NOS1AP: variants seen among roughly 807,000 people sequenced by gnomAD.
The protein encoded by NOS1AP is nitric oxide synthase 1 adaptor protein.
Under a neutral mutation model 56.2 loss-of-function variants are expected in NOS1AP, and 21 were observed. The observed-to-expected ratio is 0.37, with a 90% CI of 0.26 to 0.54. NOS1AP has a LOEUF of 0.54. Among genes scored for constraint, NOS1AP ranks in the 20% least tolerant of loss-of-function variants. NOS1AP has a pLI of 0.84. For synonymous variants in NOS1AP, 270 were observed against 274.6 expected (o/e 0.98, Z 0.17); for missense variants, 522 against 657.8 (o/e 0.79, Z 2.26).
chr1:162,300,017 T>G (rs1235367345), intron 3 of NOS1AP, among the ~76,000 whole-genome samples: 2 of 152,224 alleles, frequency 1.3e-5, no homozygotes, highest in Non-Finnish European at 2.9e-5. Flanking sequence ...TCTTGAGTCC[T>G]TCTTTCATGG....
At chr1:162,307,263 A>G (rs1655864907) in intron 4 of NOS1AP, among the ~76,000 whole-genome samples, 1 of 152,230 alleles carries the variant, frequency 6.6e-6, no homozygotes, top group Non-Finnish European at 1.5e-5. Context: ...TGGAATTAAC[A>G]TGTTTGACTA....
intron 2 of NOS1AP, among the ~76,000 whole-genome samples, chr1:162,171,904 A>G (rs992935259): frequency 2.0e-5 from 3 of 150,606 alleles, no homozygotes; most frequent in Admixed American, 2.0e-4. Flanking sequence ...CTCCCATACC[A>G]CCCTTTTTAG....
intron 4 of NOS1AP, among the ~76,000 whole-genome samples, chr1:162,324,041 T>C (rs1274620452): frequency 6.6e-6 from 1 of 152,198 alleles, no homozygotes; most frequent in African/African-American, 2.4e-5. Flanking sequence ...GAGGTAATTT[T>C]CTAGATGATG....
At chr1:162,289,192 T>C (rs1009868072) in intron 3 of NOS1AP, among the ~76,000 whole-genome samples, 1 of 129,360 alleles carries the variant, frequency 7.7e-6, no homozygotes, top group Non-Finnish European at 1.6e-5. Flanking sequence ...TTTGCCTTTC[T>C]TTCCTTCCTT....
chr1:162,259,291 T>C (rs1654131388), intron 2 of NOS1AP, among the ~76,000 whole-genome samples: 1 of 152,222 alleles, frequency 6.6e-6, no homozygotes, highest in Non-Finnish European at 1.5e-5. Context: ...AATCAGACTA[T>C]TCATTGCAAA....
intron 4 of NOS1AP, among the ~76,000 whole-genome samples, chr1:162,326,268 G>T (rs2101787211): frequency 6.6e-6 from 1 of 152,248 alleles, no homozygotes; most frequent in South Asian, 2.1e-4. Flanking sequence ...AGGAGGCGAG[G>T]AACATGGATG....
chr1:162,192,957 G>T (rs4657167), intron 2 of NOS1AP, among the ~76,000 whole-genome samples: 131,513 of 152,076 alleles, frequency 0.86, 57,080 homozygotes, highest in Non-Finnish European at 0.9. Flanking sequence ...CTATCTAACA[G>T]GCCACTTTGA....
At chr1:162,355,400 C>T in intron 7 of NOS1AP, 47 bp downstream of exon 7, 1 of 1,609,526 alleles carries the variant, frequency 6.2e-7, no homozygotes, top group South Asian at 1.1e-5. Flanking sequence ...CGTGTGCCCT[C>T]AGGTCATCAG....
At chr1:162,310,344 C>G (rs1387253433) in intron 4 of NOS1AP, among the ~76,000 whole-genome samples, 2 of 152,218 alleles carry the variant, frequency 1.3e-5, no homozygotes, top group African/African-American at 4.8e-5. Context: ...TGAGTGTTTT[C>G]TCTTCCTTCA....
At chr1:162,217,678 G>A (rs1485275949) in intron 2 of NOS1AP, among the ~76,000 whole-genome samples, 3 of 152,170 alleles carry the variant, frequency 2.0e-5, no homozygotes, top group Non-Finnish European at 4.4e-5. Flanking sequence ...TGATGCCAGA[G>A]TAAAGGACAC....
chr1:162,087,056 G>T (rs1302106886), intron 1 of NOS1AP, among the ~76,000 whole-genome samples: 3 of 152,160 alleles, frequency 2.0e-5, no homozygotes, highest in Non-Finnish European at 4.4e-5. Context: ...GGCCCCAAAA[G>T]GTGGTTGAAC....
At chr1:162,100,399 T>C (rs1692357379) in intron 1 of NOS1AP, among the ~76,000 whole-genome samples, 3 of 152,272 alleles carry the variant, frequency 2.0e-5, no homozygotes, top group Non-Finnish European at 2.9e-5. Context: ...ATGAGCATTT[T>C]TTCATGCGTT....
rs1657668443 is a variant in NOS1AP, at chr1:162,355,368, G to A, written c.762+15G>A. 1.2e-6 allele frequency: 2 copies of A among 1,613,816 alleles called. No homozygotes were observed. The highest frequency in any genetic ancestry group is 1.7e-6 in the Non-Finnish European group (2 of 1,180,000). ...CAGGCTCCAAGGTAGGCAAGAGATGGCCCATCTGTGTGATCTGCACACGTG... is the reference window on the plus strand; with the variant it reads ...CAGGCTCCAAGGTAGGCAAGAGATGACCCATCTGTGTGATCTGCACACGTG... On this transcript the variant is annotated intron_variant, in intron 7 of 9. Transcript: ENST00000361897.
chr1:162,279,322 G>A (rs532498814), intron 2 of NOS1AP, among the ~76,000 whole-genome samples: 14 of 152,254 alleles, frequency 9.2e-5, no homozygotes, highest in East Asian at 3.9e-4. Flanking sequence ...GGGAGCAACC[G>A]CCACTTGGAG....
At chr1:162,316,391 G>A (rs79333059) in intron 4 of NOS1AP, among the ~76,000 whole-genome samples, 3,649 of 152,326 alleles carry the variant, frequency 0.024, 68 homozygotes, top group Non-Finnish European at 0.036. Context: ...TAACCACTAA[G>A]CAAAGCTGCC....
chr1:162,207,301 A>G (rs1253070073), intron 2 of NOS1AP, among the ~76,000 whole-genome samples: 2 of 152,138 alleles, frequency 1.3e-5, no homozygotes, highest in Non-Finnish European at 2.9e-5. Context: ...CCCTTGTAAA[A>G]TCACCGTCTA....
intron 2 of NOS1AP, among the ~76,000 whole-genome samples, chr1:162,172,572 C>T (rs1295807159): frequency 3.3e-5 from 5 of 152,068 alleles, no homozygotes; most frequent in Non-Finnish European, 7.4e-5. Flanking sequence ...CTTGATGAGG[C>T]GGGTGGTTTA....
intron 2 of NOS1AP, among the ~76,000 whole-genome samples, chr1:162,171,724 C>T (rs1650792278): frequency 6.6e-6 from 1 of 152,084 alleles, no homozygotes; most frequent in Non-Finnish European, 1.5e-5. Context: ...CATCTCCTCT[C>T]ACCTAACTTC....
intron 2 of NOS1AP, among the ~76,000 whole-genome samples, chr1:162,193,344 C>T (rs1327700845): frequency 2.0e-5 from 3 of 152,094 alleles, no homozygotes; most frequent in Non-Finnish European, 2.9e-5. Context: ...AGATAAGATT[C>T]TGGGGCATTT....
Sources: allele counts gnomAD v4.1 joint callset (sites outside exome capture counted in the v4.1 genomes callset), GRCh38; gene constraint gnomAD v4.1.1; transcripts MANE v1.5; gene names NCBI Gene and HGNC (gene_info 2026-07-23, HGNC 2026-07-21).